The following LUZP2 variants were observed in gnomAD, a reference collection of about 807,000 sequenced individuals.
LUZP2 encodes leucine zipper protein 2.
Under a neutral mutation model 51.6 loss-of-function variants are expected in LUZP2, and 52 were observed. That is an observed-to-expected ratio of 1.01 (90% CI 0.81 to 1.27). LUZP2 has a LOEUF of 1.27. LUZP2 is among the 50% of genes most tolerant of loss of function. The pLI is 0.00. For synonymous variants in LUZP2, 154 were observed against 137.3 expected (o/e 1.12, Z -0.85); for missense variants, 436 against 395.4 (o/e 1.10, Z -0.87).
intron 11 of LUZP2, among the ~76,000 whole-genome samples, chr11:25,077,639 A>G (rs777443035): frequency 4.0e-5 from 6 of 151,700 alleles, no homozygotes; most frequent in Non-Finnish European, 8.8e-5. Context: ...AGCTGGGACT[A>G]CAGGCGCCCA....
At chr11:24,719,003 G>A in intron 1 of LUZP2, among the ~76,000 whole-genome samples, 1 of 152,094 alleles carries the variant, frequency 6.6e-6, no homozygotes, top group Non-Finnish European at 1.5e-5. Context: ...CTGAGCACAG[G>A]GTATATAAGA....
At chr11:24,864,529 T>C (rs1372772004) in intron 5 of LUZP2, among the ~76,000 whole-genome samples, 1 of 152,194 alleles carries the variant, frequency 6.6e-6, no homozygotes, top group Non-Finnish European at 1.5e-5. Flanking sequence ...CTTGTTTCTC[T>C]CTTTCCATTG....
At position 24,870,357 on chromosome 11, in the gene LUZP2, C is replaced by T. The variant is rs916919846; in HGVS notation, c.397-35634C>T. On this transcript the variant is annotated intron_variant, in intron 5 of 11. Coordinates refer to ENST00000336930, the MANE Select transcript of LUZP2 (RefSeq NM_001009909.4). Reference sequence around the variant, plus strand: ...CATTAATAGCAGCTTCAATGTAATCCTAAGTATTGTTTCTCTGCCCAGCCT... The same window carrying T: ...CATTAATAGCAGCTTCAATGTAATCTTAAGTATTGTTTCTCTGCCCAGCCT... Among the ~76,000 whole-genome samples the T allele has an allele frequency of 5.3e-5, 8 of 152,106 alleles. No homozygotes were observed. The South Asian group carries it at 8.3e-4, about 16-fold the overall frequency.
intron 1 of LUZP2, among the ~76,000 whole-genome samples, chr11:24,542,453 T>C (rs1424944725): frequency 6.6e-6 from 1 of 152,056 alleles, no homozygotes; most frequent in Non-Finnish European, 1.5e-5. Context: ...AGGATTCTTA[T>C]TTTTTTATGT....
chr11:24,664,355 G>C (rs970574628), intron 1 of LUZP2, among the ~76,000 whole-genome samples: 1 of 152,100 alleles, frequency 6.6e-6, no homozygotes, highest in African/African-American at 2.4e-5. Context: ...GCATTCAAGA[G>C]GAAACAGAGT....
chr11:24,580,938 C>T (rs933616467), intron 1 of LUZP2, among the ~76,000 whole-genome samples: 1 of 151,860 alleles, frequency 6.6e-6, no homozygotes, highest in African/African-American at 2.4e-5. Flanking sequence ...ATATTATGAA[C>T]CAAGTATAAG....
intron 1 of LUZP2, among the ~76,000 whole-genome samples, chr11:24,615,486 T>C (rs190273353): frequency 5.3e-5 from 8 of 152,176 alleles, no homozygotes; most frequent in Admixed American, 1.3e-4. Flanking sequence ...GCTTGAATCA[T>C]AGCTTTTTCT....
intron 1 of LUZP2, among the ~76,000 whole-genome samples, chr11:24,519,799 G>T (rs896980061): frequency 6.6e-6 from 1 of 151,952 alleles, no homozygotes; most frequent in African/African-American, 2.4e-5. Flanking sequence ...TTTTAAAAAA[G>T]GCTTTTTTCA....
chr11:24,967,942 T>C (rs997297205), intron 7 of LUZP2, among the ~76,000 whole-genome samples: 13 of 152,198 alleles, frequency 8.5e-5, no homozygotes, highest in Admixed American at 1.3e-4. Flanking sequence ...ATGGAGATTG[T>C]GGTTGATATA....
chr11:24,716,891 A>C (rs976495244), intron 1 of LUZP2, among the ~76,000 whole-genome samples: 2 of 141,584 alleles, frequency 1.4e-5, no homozygotes, highest in Non-Finnish European at 3.1e-5. Context: ...GTGAGACTAC[A>C]TCTCAAAAAA....
At chr11:24,833,013 G>C (rs1850745959) in intron 5 of LUZP2, among the ~76,000 whole-genome samples, 1 of 152,104 alleles carries the variant, frequency 6.6e-6, no homozygotes, top group South Asian at 2.1e-4. Flanking sequence ...ACCTCTTTGG[G>C]CTTCCCTGAC....
At chr11:24,823,522 A>G (rs1850424548) in intron 5 of LUZP2, among the ~76,000 whole-genome samples, 1 of 152,172 alleles carries the variant, frequency 6.6e-6, no homozygotes, top group African/African-American at 2.4e-5. Context: ...TCAGATTTAC[A>G]TTAACAAAAT....
chr11:25,050,726 G>T lies in LUZP2; in HGVS notation c.858+596G>T, dbSNP rs1320055466. Among the ~76,000 whole-genome samples, 7 of 152,144 alleles carry T rather than the reference G, an allele frequency of 4.6e-5. 1 individual carries two copies. The East Asian group carries it at 1.4e-3, about 29-fold the overall frequency. On this transcript the variant is annotated intron_variant, in intron 10 of 11. Coordinates refer to ENST00000336930, the MANE Select transcript of LUZP2 (RefSeq NM_001009909.4). ...TGGAGGACCACAGGCTAAGCAAGGT[G>T]CTCATTCCCACAGCTACATGAAAGA...
At chr11:24,532,140 C>A (rs1323808791) in intron 1 of LUZP2, among the ~76,000 whole-genome samples, 1 of 150,778 alleles carries the variant, frequency 6.6e-6, no homozygotes, top group Non-Finnish European at 1.5e-5. Flanking sequence ...AATTTTTCCA[C>A]CATTATTTGT....
At chr11:24,881,024 T>G (rs576404788) in intron 5 of LUZP2, among the ~76,000 whole-genome samples, 76 of 152,104 alleles carry the variant, frequency 5.0e-4, no homozygotes, top group Non-Finnish European at 1.0e-3. Flanking sequence ...GAATCTGGGC[T>G]TTGGAGACAG....
At chr11:24,628,427 A>T (rs181370383) in intron 1 of LUZP2, among the ~76,000 whole-genome samples, 1 of 152,342 alleles carries the variant, frequency 6.6e-6, no homozygotes, top group East Asian at 1.9e-4. Context: ...CTAAGACTTC[A>T]AATGAGATCA....
chr11:24,782,894 G>A (rs1849133531), intron 5 of LUZP2, among the ~76,000 whole-genome samples: 1 of 151,934 alleles, frequency 6.6e-6, no homozygotes, highest in Non-Finnish European at 1.5e-5. Flanking sequence ...CAGTAAATCA[G>A]TCAGAACACA....
intron 8 of LUZP2, among the ~76,000 whole-genome samples, chr11:24,979,379 G>T (rs1035756523): frequency 2.6e-4 from 39 of 151,708 alleles, no homozygotes; most frequent in Non-Finnish European, 4.9e-4. Flanking sequence ...AATGCTAGTT[G>T]ACTTCAAAAT....
At chr11:24,757,850 T>C (rs918862869) in intron 4 of LUZP2, among the ~76,000 whole-genome samples, 15 of 152,066 alleles carry the variant, frequency 9.9e-5, no homozygotes, top group African/African-American at 3.6e-4. Flanking sequence ...CATATTAATA[T>C]AAAATTCCAA....
Sources: gnomAD v4.1 joint callset for allele counts (sites outside exome capture counted in the v4.1 genomes callset) on GRCh38, gnomAD v4.1.1 for gene constraint, MANE v1.5 for transcripts, NCBI Gene and HGNC (gene_info 2026-07-23, HGNC 2026-07-21) for gene names.